SMIM42: variants seen among roughly 807,000 people sequenced by gnomAD.
The protein encoded by SMIM42 is small integral membrane protein 42.
At chr1:158,127,479 TGCCCAATTTATAGAGGAAAATTTAG>T (rs1192213389) in exon 1 of SMIM42, among the ~76,000 whole-genome samples, 1 of 152,036 alleles carries the variant, frequency 6.6e-6, no homozygotes, top group African/African-American at 2.4e-5. Flanking sequence ...AGTCAGCACA[TGCCCAATTTATAGAGGAAAATTTAG>T]GCTTTGTAAT....
In SMIM42 at chr1:158,127,670, G is replaced by A. The variant is rs530194025; in HGVS notation, c.*192C>T. 2.0e-5 allele frequency among the ~76,000 whole-genome samples: 3 copies of A among 151,746 alleles called. No homozygotes were observed. In the South Asian group the frequency reaches 6.3e-4, roughly 32 times the overall value. On this transcript the variant is annotated 3_prime_UTR_variant, in exon 1 of 1. Coordinates refer to ENST00000672824, the Ensembl canonical transcript of SMIM42. The stretch of plus-strand genomic sequence containing the variant: ...GACAAGCCAAAGAACCGCAGGAGGA[G>A]TGCATTATAAGAGGGATGGTGGCAG...
Position 158,127,746 on chromosome 1 carries a change from G to T in SMIM42, c.*116C>A, listed in dbSNP as rs191897198. On this transcript the variant is annotated 3_prime_UTR_variant, in exon 1 of 1. Coordinates refer to ENST00000672824, the Ensembl canonical transcript of SMIM42. ...CATCTGGCAATGGAGGAACAGGGTG[G>T]CTAAAGCAGCTCTGGCTCCCCTGGC... is the stretch of plus-strand genomic sequence containing the variant. 9.9e-5 allele frequency among the ~76,000 whole-genome samples: 15 copies of T among 152,284 alleles called. No homozygotes were observed. The East Asian group carries it at 2.1e-3, about 22-fold the overall frequency.
exon 1 of SMIM42, among the ~76,000 whole-genome samples, chr1:158,128,116 G>A (rs1323141216): frequency 1.3e-5 from 2 of 152,100 alleles, no homozygotes; most frequent in Non-Finnish European, 2.9e-5. Context: ...GGTGCAAGCC[G>A]ACTGCCCACA....
exon 1 of SMIM42, among the ~76,000 whole-genome samples, chr1:158,128,158 A>G (rs998637761): frequency 1.3e-5 from 2 of 152,058 alleles, no homozygotes; most frequent in Non-Finnish European, 2.9e-5. Flanking sequence ...CTCTTGTTGT[A>G]TCCTAGGAGT....
At chr1:158,127,601 CAAAAAAA>C (rs145650991) in exon 1 of SMIM42, among the ~76,000 whole-genome samples, 1 of 116,326 alleles carries the variant, frequency 8.6e-6, no homozygotes, top group African/African-American at 3.3e-5. Context: ...TGAAGATCCA[CAAAAAAA>C]AAAAAAAAAA....
chr1:158,127,867 G>A (rs898762962), exon 1 of SMIM42, among the ~76,000 whole-genome samples: 1 of 152,052 alleles, frequency 6.6e-6, no homozygotes, highest in Non-Finnish European at 1.5e-5. Context: ...GATCTTTATG[G>A]CAGCCATGTT....
chr1:158,127,887 C>G (rs1662852593), exon 1 of SMIM42, among the ~76,000 whole-genome samples: 2 of 152,248 alleles, frequency 1.3e-5, no homozygotes, highest in Middle Eastern at 3.4e-3. Context: ...TGCCTCCTTT[C>G]TTGGGTGTGT....
exon 1 of SMIM42, among the ~76,000 whole-genome samples, chr1:158,128,293 A>T (rs982820611): frequency 6.6e-6 from 1 of 152,174 alleles, no homozygotes; most frequent in Non-Finnish European, 1.5e-5. Context: ...TCCAATACAA[A>T]CACAGATGAT....
exon 1 of SMIM42, among the ~76,000 whole-genome samples, chr1:158,127,888 T>C (rs1662852620): frequency 6.6e-6 from 1 of 152,180 alleles, no homozygotes. Flanking sequence ...GCCTCCTTTC[T>C]TGGGTGTGTC....
exon 1 of SMIM42, among the ~76,000 whole-genome samples, chr1:158,127,295 A>C (rs1409144557): frequency 6.6e-6 from 1 of 152,170 alleles, no homozygotes; most frequent in Non-Finnish European, 1.5e-5. Context: ...TCATTTCTTA[A>C]TAAAAAAAAT....
chr1:158,127,601 CAAA>C (rs145650991), exon 1 of SMIM42, among the ~76,000 whole-genome samples: 40,861 of 116,348 alleles, frequency 0.35, 6,398 homozygotes, highest in Middle Eastern at 0.44. Context: ...TGAAGATCCA[CAAA>C]AAAAAAAAAA....
exon 1 of SMIM42, among the ~76,000 whole-genome samples, chr1:158,127,806 C>T (rs1368697509): frequency 6.6e-6 from 1 of 152,152 alleles, no homozygotes; most frequent in Non-Finnish European, 1.5e-5. Context: ...GGCCGTGCCT[C>T]TCTTGTACAA....
chr1:158,128,198 G>A (rs1275662792), exon 1 of SMIM42, among the ~76,000 whole-genome samples: 1 of 152,150 alleles, frequency 6.6e-6, no homozygotes, highest in Non-Finnish European at 1.5e-5. Flanking sequence ...AACATCTACT[G>A]ATTCCATTCT....
At chr1:158,127,626 A>T (rs1031669031) in exon 1 of SMIM42, among the ~76,000 whole-genome samples, 5 of 138,140 alleles carry the variant, frequency 3.6e-5, no homozygotes, top group Non-Finnish European at 1.5e-5. Context: ...AAAAAAAGAC[A>T]TTCAAACTCA....
At chr1:158,127,743 G>T (rs1211583663) in exon 1 of SMIM42, among the ~76,000 whole-genome samples, 1 of 152,180 alleles carries the variant, frequency 6.6e-6, no homozygotes, top group Admixed American at 6.5e-5. Flanking sequence ...GAGGAACAGG[G>T]TGGCTAAAGC....
exon 1 of SMIM42, among the ~76,000 whole-genome samples, chr1:158,128,136 G>T (rs1268518807): frequency 5.9e-5 from 9 of 152,194 alleles, no homozygotes; most frequent in African/African-American, 2.2e-4. Context: ...ACCACCAAGA[G>T]AATTGGGCTT....
chr1:158,128,254 C>G lies in SMIM42; in HGVS notation c.-180G>C, dbSNP rs560205100. ...TTGGATGTAATGGAGAAGGCATAGACGTTTGCTCAGCAAGGCCAAACAACT... is the reference window on the plus strand; with the variant it reads ...TTGGATGTAATGGAGAAGGCATAGAGGTTTGCTCAGCAAGGCCAAACAACT... On this transcript the variant is annotated 5_prime_UTR_variant, in exon 1 of 1. Transcript: ENST00000672824. Among the ~76,000 whole-genome samples, 5 of 152,284 alleles carry G rather than the reference C, an allele frequency of 3.3e-5. 1 individual carries two copies. In the South Asian group the frequency reaches 1.0e-3, roughly 32 times the overall value.
chr1:158,127,548 C>G (rs1257362545), exon 1 of SMIM42, among the ~76,000 whole-genome samples: 2 of 148,514 alleles, frequency 1.3e-5, no homozygotes, highest in African/African-American at 5.0e-5. Flanking sequence ...TGTTTCTTTC[C>G]TCTGTTAGTG....
exon 1 of SMIM42, among the ~76,000 whole-genome samples, chr1:158,128,070 G>T (rs908640916): frequency 6.6e-6 from 1 of 152,134 alleles, no homozygotes; most frequent in African/African-American, 2.4e-5. Context: ...TTGTGGGGAG[G>T]ACATAAGCTT....
Sources: allele counts gnomAD v4.1 joint callset (sites outside exome capture counted in the v4.1 genomes callset), GRCh38; gene constraint gnomAD v4.1.1; transcripts MANE v1.5; gene names NCBI Gene and HGNC (gene_info 2026-07-23, HGNC 2026-07-21).